Variants in CUBN observed in about 807,000 individuals in gnomAD.
The protein encoded by CUBN is 460 kDa receptor.
Under a neutral mutation model 405.3 loss-of-function variants are expected in CUBN, and 282 were observed. The observed-to-expected ratio is 0.70, with a 90% CI of 0.63 to 0.77. CUBN has a LOEUF of 0.77. CUBN is among the 30% of genes least tolerant of loss of function. The probability of loss-of-function intolerance (pLI) is 0.00; values close to 1 mark genes in which losing one functional copy is unlikely to be tolerated. For synonymous variants in CUBN, 1,684 were observed against 1,617.0 expected (o/e 1.04, Z -0.99); for missense variants, 4,514 against 4,475.2 (o/e 1.01, Z -0.25).
chr10:16,922,004 C>T (rs528804446), intron 43 of CUBN, among the ~76,000 whole-genome samples: 18 of 152,300 alleles, frequency 1.2e-4, no homozygotes, highest in Admixed American at 1.1e-3. Flanking sequence ...GCCCCTCTTC[C>T]TATGGACACT....
At chr10:16,996,785 T>G (rs1159780884) in intron 28 of CUBN, among the ~76,000 whole-genome samples, 1 of 152,178 alleles carries the variant, frequency 6.6e-6, no homozygotes, top group Non-Finnish European at 1.5e-5. Flanking sequence ...CATAAACTGA[T>G]GGCATCAGGA....
chr10:16,906,492 T>A, intron 49 of CUBN, 83 bp from the exon 50 acceptor site: 1 of 956,078 alleles, frequency 1.0e-6, no homozygotes, highest in Non-Finnish European at 1.7e-6. Context: ...GAACAGTAAC[T>A]AAAACATCAA....
chr10:16,918,520 G>A (rs1411772293), intron 45 of CUBN, 102 bp downstream of exon 45: 4 of 886,134 alleles, frequency 4.5e-6, no homozygotes, highest in South Asian at 1.5e-5. Flanking sequence ...CCTGGCTGAT[G>A]AAATAATCTC....
Position 16,829,574 on chromosome 10 carries a change from CAT to C in CUBN, c.10529-536_10529-535del, listed in dbSNP as rs1164197323. ...GTGACTTTACCAGGCTAATAACTGA[CAT>C]ACTTAAGGTCAAATACTTCAAGTTT... is the stretch of plus-strand genomic sequence containing the variant. On this transcript the variant is annotated intron_variant, in intron 65 of 66. Coordinates refer to ENST00000377833, the MANE Select transcript of CUBN (RefSeq NM_001081.4). 3.3e-5 allele frequency among the ~76,000 whole-genome samples: 5 copies of C among 152,144 alleles called. No individual in the cohort carries two copies. In the East Asian group the frequency reaches 9.6e-4, roughly 29 times the overall value.
At chr10:16,912,817 C>T (rs1181173008) in intron 48 of CUBN, among the ~76,000 whole-genome samples, 3 of 152,112 alleles carry the variant, frequency 2.0e-5, no homozygotes, top group Non-Finnish European at 2.9e-5. Context: ...GCCACAGGTG[C>T]AATTTGGGAT....
At chr10:17,030,799 G>T (rs1834770633) in intron 27 of CUBN, among the ~76,000 whole-genome samples, 1 of 151,950 alleles carries the variant, frequency 6.6e-6, no homozygotes, top group South Asian at 2.1e-4. Context: ...GGTGCCTGTG[G>T]CCCCAGCTAC....
chr10:16,869,873 A>G lies in CUBN; in HGVS notation c.9237-20T>C, dbSNP rs761079806. On this transcript the variant is annotated intron_variant, in intron 58 of 66. Coordinates refer to ENST00000377833, the MANE Select transcript of CUBN (RefSeq NM_001081.4). The stretch of plus-strand genomic sequence containing the variant: ...CTGAACCTGTGAAATGTACCTTGTT[A>G]ATACTGATGTTTCCATTTGGACTTC... 1 of 1,528,168 alleles carries G rather than the reference A, an allele frequency of 6.5e-7. No homozygotes were observed. Among genetic ancestry groups the G allele is most frequent in the Non-Finnish European group, 9.1e-7 (1 of 1,101,996 alleles). 94.7% of individuals were successfully genotyped at this position (1,528,168 alleles called of 1,614,324 possible). A position where few individuals can be genotyped will look rare whatever the true frequency, so the allele number is the denominator to read the frequency against.
intron 58 of CUBN, among the ~76,000 whole-genome samples, chr10:16,872,349 C>CATATATATATATATATATATATATAT (rs138781700): frequency 6.7e-5 from 10 of 149,042 alleles, no homozygotes; most frequent in African/African-American, 2.5e-4. Flanking sequence ...TGTATACATA[C>CATATATATATATATATATATATATAT]ATATATATAT....
intron 31 of CUBN, among the ~76,000 whole-genome samples, chr10:16,981,377 C>T (rs144858273): frequency 8.5e-5 from 13 of 152,294 alleles, no homozygotes; most frequent in African/African-American, 2.9e-4. Flanking sequence ...AAGTTATCCA[C>T]ATTCACCACC....
chr10:16,920,905 C>G (rs1842015107), intron 43 of CUBN, among the ~76,000 whole-genome samples: 1 of 152,170 alleles, frequency 6.6e-6, no homozygotes, highest in Non-Finnish European at 1.5e-5. Context: ...CACTTACAGT[C>G]ACATCCTGAA....
chr10:16,919,315 A>G (rs186531226), intron 44 of CUBN, among the ~76,000 whole-genome samples: 1 of 152,382 alleles, frequency 6.6e-6, no homozygotes, highest in African/African-American at 2.4e-5. Flanking sequence ...GAAAAGTAGT[A>G]TTAGACCCAG....
At position 16,990,404 on chromosome 10, in the gene CUBN, C is replaced by T. The variant is rs754229455; in HGVS notation, c.4280G>A (p.Ser1427Asn). Reference sequence around the variant, plus strand: ...GTCATGGATGGTGAGCTGAATGCTACTCCCGGGGTCCGTCCTAATGTACCA... The same window carrying T: ...GTCATGGATGGTGAGCTGAATGCTATTCCCGGGGTCCGTCCTAATGTACCA... ...CIWYIRTDPG[S>N]SIQLTIHDFD... The change falls in exon 29 of 67, where the codon AGT becomes AAT. Residue 1427 changes from serine (S) to asparagine (N), a missense_variant. Ser to Asn is a conservative substitution (Grantham distance 46, BLOSUM62 1). Coordinates refer to ENST00000377833, the MANE Select transcript of CUBN (RefSeq NM_001081.4). 6.2e-7 allele frequency: 1 copy of T among 1,614,182 alleles called. No individual in the cohort carries two copies. Among genetic ancestry groups the T allele is most frequent in the Non-Finnish European group, 8.5e-7 (1 of 1,180,028 alleles).
intron 16 of CUBN, 70 bp downstream of exon 16, chr10:17,085,527 T>C: frequency 7.0e-7 from 1 of 1,425,978 alleles, no homozygotes; most frequent in Non-Finnish European, 9.9e-7. Flanking sequence ...CACATTAAAA[T>C]ATAAAACAGA....
intron 59 of CUBN, among the ~76,000 whole-genome samples, chr10:16,860,821 T>C (rs915932069): frequency 6.6e-6 from 1 of 152,230 alleles, no homozygotes; most frequent in Admixed American, 6.5e-5. Flanking sequence ...GCTCTTATCA[T>C]CCCATGCCTA....
At chr10:16,945,604 C>T (rs943839622) in intron 36 of CUBN, among the ~76,000 whole-genome samples, 3 of 151,770 alleles carry the variant, frequency 2.0e-5, no homozygotes, top group Non-Finnish European at 4.4e-5. Context: ...TCCATCACTA[C>T]TAAAAATATA....
rs1201191242 is a variant in CUBN at position 17,114,084 on chromosome 10, T to C, written c.826A>G (p.Thr276Ala). 1 of 1,613,252 alleles carries C rather than the reference T, an allele frequency of 6.2e-7. No homozygotes were observed. The highest frequency in any genetic ancestry group is 8.5e-7 in the Non-Finnish European group (1 of 1,179,722). The change falls in exon 8 of 67, where the codon ACA becomes GCA. Residue 276 changes from threonine (T) to alanine (A), a missense_variant. By Grantham distance (58) the Thr-to-Ala change is moderately conservative. Around this residue, in one of 5 missense-constraint regions of CUBN, gnomAD observed 1,448 missense variants for 1,388.0 expected, o/e 1.04. Coordinates refer to ENST00000377833, the MANE Select transcript of CUBN (RefSeq NM_001081.4). ...TGAGTGTTGAAACACTGCACAAGTG[T>C]GGAGCAAGGCCCGGGCTGGAAGCTG... is the stretch of plus-strand genomic sequence containing the variant. ...ECSFQPGPCSTLVQCFNTQGS... is the reference protein window; with the variant it reads ...ECSFQPGPCSALVQCFNTQGS...
intron 41 of CUBN, among the ~76,000 whole-genome samples, chr10:16,927,915 G>A (rs1254410770): frequency 2.0e-5 from 3 of 152,122 alleles, no homozygotes; most frequent in Non-Finnish European, 4.4e-5. Context: ...CCTTTGGAGC[G>A]AAGATGCCAC....
intron 21 of CUBN, among the ~76,000 whole-genome samples, chr10:17,066,369 G>A (rs987389887): frequency 2.0e-5 from 3 of 152,020 alleles, no homozygotes; most frequent in South Asian, 2.1e-4. Context: ...AATAAAATAG[G>A]AATCTCAAAT....
intron 59 of CUBN, among the ~76,000 whole-genome samples, chr10:16,865,730 A>G (rs1255231553): frequency 2.0e-5 from 3 of 152,118 alleles, no homozygotes; most frequent in East Asian, 1.9e-4. Flanking sequence ...AAAATGGAAC[A>G]TGGGAGGGGG....
Sources: allele counts gnomAD v4.1 joint callset (sites outside exome capture counted in the v4.1 genomes callset), GRCh38; gene constraint gnomAD v4.1.1; regional missense constraint gnomAD v4.1.1; transcripts MANE v1.5; gene names NCBI Gene and HGNC (gene_info 2026-07-23, HGNC 2026-07-21).